Variants in AUTS2 observed in about 807,000 individuals in gnomAD.
The protein encoded by AUTS2 is activator of transcription and developmental regulator AUTS2, also known as autism susceptibility gene 2 protein.
Under a neutral mutation model 112.4 loss-of-function variants are expected in AUTS2, and 17 were observed. That is an observed-to-expected ratio of 0.15 (90% CI 0.10 to 0.23). AUTS2 has a LOEUF of 0.23. AUTS2 is among the 10% of genes least tolerant of loss of function. The pLI, the probability that AUTS2 is intolerant of heterozygous loss-of-function variation, is 1.00. For missense variants in AUTS2, 1,510 were observed against 1,701.6 expected (o/e 0.89, Z 1.98); for synonymous variants, 751 against 702.7 (o/e 1.07, Z -1.09).
chr7:69,711,158 T>C (rs1798306944), intron 1 of AUTS2, among the ~76,000 whole-genome samples: 1 of 152,198 alleles, frequency 6.6e-6, no homozygotes, highest in Admixed American at 6.5e-5. Flanking sequence ...GAAATTCATT[T>C]AGTACACAGG....
At chr7:70,539,528 A>G (rs952413894) in intron 5 of AUTS2, among the ~76,000 whole-genome samples, 18 of 152,330 alleles carry the variant, frequency 1.2e-4, no homozygotes, top group Middle Eastern at 3.4e-3. Flanking sequence ...AATAGTTTCC[A>G]ATGAGGATTT....
chr7:69,999,507 A>T (rs1799091806), intron 2 of AUTS2, among the ~76,000 whole-genome samples: 1 of 152,222 alleles, frequency 6.6e-6, no homozygotes. Flanking sequence ...GCAAAATTTA[A>T]GAGCACAGAA....
At chr7:70,681,336 G>A (rs772287511) in intron 5 of AUTS2, among the ~76,000 whole-genome samples, 7 of 152,090 alleles carry the variant, frequency 4.6e-5, no homozygotes, top group Non-Finnish European at 8.8e-5. Context: ...TTTGCAGCCC[G>A]CTTTTCATGT....
At chr7:70,538,593 C>T (rs1479932864) in intron 5 of AUTS2, among the ~76,000 whole-genome samples, 1 of 152,160 alleles carries the variant, frequency 6.6e-6, no homozygotes, top group East Asian at 1.9e-4. Flanking sequence ...ATAGCATAGT[C>T]TTTAATATCA....
intron 4 of AUTS2, among the ~76,000 whole-genome samples, chr7:70,432,861 A>G (rs1795733832): frequency 6.6e-6 from 1 of 152,108 alleles, no homozygotes; most frequent in African/African-American, 2.4e-5. Context: ...GGAATTTAAT[A>G]CCAGAAATGG....
At chr7:69,669,917 C>T (rs1392987671) in intron 1 of AUTS2, among the ~76,000 whole-genome samples, 1 of 152,114 alleles carries the variant, frequency 6.6e-6, no homozygotes, top group African/African-American at 2.4e-5. Flanking sequence ...GAGATGGAGA[C>T]CTGGTTTCTG....
intron 4 of AUTS2, among the ~76,000 whole-genome samples, chr7:70,251,143 C>T (rs1786575861): frequency 6.6e-6 from 1 of 152,170 alleles, no homozygotes; most frequent in East Asian, 1.9e-4. Flanking sequence ...TGGCTCACTG[C>T]AACCTCTGCC....
At chr7:70,204,362 C>T (rs1810461107) in intron 4 of AUTS2, among the ~76,000 whole-genome samples, 1 of 152,068 alleles carries the variant, frequency 6.6e-6, no homozygotes, top group South Asian at 2.1e-4. Flanking sequence ...GGTCTTTCTT[C>T]CCAAAGAAGT....
chr7:70,575,667 G>A (rs1283694264), intron 5 of AUTS2, among the ~76,000 whole-genome samples: 2 of 152,306 alleles, frequency 1.3e-5, no homozygotes, highest in Admixed American at 6.5e-5. Context: ...CTGGGAGGAT[G>A]CCTGGCAAAG....
chr7:70,610,240 C>T (rs1417583853), intron 5 of AUTS2, among the ~76,000 whole-genome samples: 2 of 151,984 alleles, frequency 1.3e-5, no homozygotes, highest in East Asian at 3.9e-4. Context: ...ATCAAGTGAT[C>T]CAACTGCCTT....
chr7:70,493,824 T>G (rs1798344784), intron 5 of AUTS2, among the ~76,000 whole-genome samples: 1 of 152,212 alleles, frequency 6.6e-6, no homozygotes. Context: ...ATTTTATATC[T>G]TACTATAATA....
chr7:70,510,271 AG>A (rs1799128385), intron 5 of AUTS2, among the ~76,000 whole-genome samples: 1 of 152,184 alleles, frequency 6.6e-6, no homozygotes, highest in Admixed American at 6.5e-5. Flanking sequence ...CCCATATCTT[AG>A]GCACTACAAT....
intron 2 of AUTS2, among the ~76,000 whole-genome samples, chr7:69,980,506 A>G (rs994481585): frequency 2.0e-5 from 3 of 152,118 alleles, no homozygotes; most frequent in Admixed American, 6.6e-5. Context: ...TTATGTACAT[A>G]CTTGTTATTT....
chr7:70,533,858 G>A (rs772985009), intron 5 of AUTS2, among the ~76,000 whole-genome samples: 3 of 152,210 alleles, frequency 2.0e-5, no homozygotes, highest in African/African-American at 4.8e-5. Flanking sequence ...GCAGCTGAGC[G>A]TGGGAGTGGC....
chr7:69,633,223 A>G (rs1203900845), intron 1 of AUTS2, among the ~76,000 whole-genome samples: 12 of 152,172 alleles, frequency 7.9e-5, no homozygotes, highest in Non-Finnish European at 2.9e-5. Flanking sequence ...TTCACTTAGT[A>G]CAGTGTCCTT....
intron 4 of AUTS2, among the ~76,000 whole-genome samples, chr7:70,341,656 A>G (rs1194195816): frequency 1.3e-5 from 2 of 152,262 alleles, no homozygotes; most frequent in African/African-American, 4.8e-5. Context: ...TTAGCACGAA[A>G]AGAGTCTAAT....
At chr7:70,747,615 C>T (rs1463281857) in intron 6 of AUTS2, among the ~76,000 whole-genome samples, 1 of 151,690 alleles carries the variant, frequency 6.6e-6, no homozygotes, top group Non-Finnish European at 1.5e-5. Context: ...CCCACCACCA[C>T]ACCTGGCTAT....
At chr7:70,639,783 G>T (rs1044879883) in intron 5 of AUTS2, among the ~76,000 whole-genome samples, 1 of 151,510 alleles carries the variant, frequency 6.6e-6, no homozygotes, top group Non-Finnish European at 1.5e-5. Context: ...TTTCTGAGGG[G>T]ACTATAAGGC....
At chr7:69,639,489 T>C (rs974072441) in intron 1 of AUTS2, among the ~76,000 whole-genome samples, 1 of 152,232 alleles carries the variant, frequency 6.6e-6, no homozygotes, top group Admixed American at 6.5e-5. Context: ...ACTGGTTCAG[T>C]GTCACTCAGC....
Sources: gnomAD v4.1 joint callset for allele counts (sites outside exome capture counted in the v4.1 genomes callset) on GRCh38, gnomAD v4.1.1 for gene constraint, MANE v1.5 for transcripts, NCBI Gene and HGNC (gene_info 2026-07-23, HGNC 2026-07-21) for gene names.